KRT75: variants seen among roughly 807,000 people sequenced by gnomAD.
KRT75 encodes the protein keratin, type II cytoskeletal 75.
KRT75 carries 35 observed loss-of-function variants against 48.8 expected under a neutral mutation model. That is an observed-to-expected ratio of 0.72 (90% CI 0.55 to 0.95). The LOEUF is 0.95. Among genes scored for constraint, KRT75 ranks in the 40% least tolerant of loss-of-function variants. KRT75 has a pLI of 0.00. For synonymous variants in KRT75, 301 were observed against 282.3 expected (o/e 1.07, Z -0.66); for missense variants, 776 against 709.9 (o/e 1.09, Z -1.06).
intron 8 of KRT75, among the ~76,000 whole-genome samples, chr12:52,426,299 T>C (rs1940075462): frequency 2.0e-5 from 3 of 152,240 alleles, no homozygotes; most frequent in African/African-American, 7.2e-5. Context: ...TTGAAAACCC[T>C]TGGCATCCTT....
At position 52,424,507 on chromosome 12, in the gene KRT75, TG is replaced by T; in HGVS notation, c.*9del. ...CCTCAAGGCAGGGTAGAGGGAGCCA[TG>T]GGGCTCTCTTAGTGCGTGTAGCTCT... is the stretch of plus-strand genomic sequence containing the variant. On this transcript the variant is annotated 3_prime_UTR_variant, in exon 9 of 9. Coordinates refer to ENST00000252245, the MANE Select transcript of KRT75 (RefSeq NM_004693.3). 6.2e-7 allele frequency: 1 copy of T among 1,611,920 alleles called. No individual in the cohort carries two copies. The highest frequency in any genetic ancestry group is 1.1e-5 in the South Asian group (1 of 91,036).
At chr12:52,431,960 G>A in intron 3 of KRT75, 46 bp downstream of exon 3, 1 of 1,592,884 alleles carries the variant, frequency 6.3e-7, no homozygotes, top group Non-Finnish European at 8.6e-7. Context: ...CCACACTCCA[G>A]ATTCCATTTT....
At position 52,431,097 on chromosome 12, in the gene KRT75, C is replaced by T. The variant is rs562101848; in HGVS notation, c.871-392G>A. Among the ~76,000 whole-genome samples, 114 of 152,310 alleles carry T rather than the reference C, an allele frequency of 7.5e-4. 1 individual carries two copies. The highest frequency in any genetic ancestry group is 1.9e-3 in the South Asian group (9 of 4,824). The stretch of plus-strand genomic sequence containing the variant: ...CTTTCTACCTCTCTCTCCCTTTCCA[C>T]AGACCCAGGTCTCTGCCTTTGGAGG... On this transcript the variant is annotated intron_variant, in intron 4 of 8. Transcript: ENST00000252245.
chr12:52,424,396 ACTCCAGG>A lies in KRT75; in HGVS notation c.*114_*120del. The A allele has an allele frequency of 3.2e-6, 3 of 950,796 alleles. No homozygotes were observed. The Admixed American group carries it at 5.1e-5, about 16-fold the overall frequency. The allele number at this position is 950,796 out of a possible 1,614,324, so 58.9% of individuals were successfully genotyped here. A position where few individuals can be genotyped will look rare whatever the true frequency, so the allele number is the denominator to read the frequency against. The stretch of plus-strand genomic sequence containing the variant: ...AGGCCTGGGAATGGGTATAGCCAGT[ACTCCAGG>A]CTCCCAGCAGCACAGGTGCACCTTA... On this transcript the variant is annotated 3_prime_UTR_variant, in exon 9 of 9. Transcript: ENST00000252245.
rs373953042 is a variant in KRT75 at position 52,431,636 on chromosome 12, G to A, written c.777C>T (p.Asp259=). 105 of 1,610,376 alleles carry A rather than the reference G, an allele frequency of 6.5e-5. No individual in the cohort carries two copies. The highest frequency in any genetic ancestry group is 1.6e-4 in the South Asian group (15 of 91,020). ...CCTTGTTCATATAGGCAGCATCTAC[G>A]TCCTGGAATGACAGCGCAGGATGCT... The part of the protein sequence containing the change: ...AENEFVALKK[D]VDAAYMNKVE... Residue 259 remains aspartate (D), a splice_region_variant and synonymous_variant, in exon 4 of 9, where the codon GAC becomes GAT. Coordinates refer to ENST00000252245, the MANE Select transcript of KRT75 (RefSeq NM_004693.3).
Position 52,428,152 on chromosome 12 carries a change from T to C in KRT75, c.1382+104A>G. 2.1e-6 allele frequency: 3 copies of C among 1,425,826 alleles called. No individual in the cohort carries two copies. The Admixed American group carries it at 5.2e-5, about 25-fold the overall frequency. 88.3% of individuals were successfully genotyped at this position (1,425,826 alleles called of 1,614,324 possible). On this transcript the variant is annotated intron_variant, in intron 7 of 8. Coordinates refer to ENST00000252245, the MANE Select transcript of KRT75 (RefSeq NM_004693.3). The stretch of plus-strand genomic sequence containing the variant: ...AGCCCAATTCTGAACTGCATTTTCT[T>C]CCAGGAGAAGAAGGGGCTGCAACAG...
Position 52,424,624 on chromosome 12 carries a change from C to T in KRT75, c.1549G>A (p.Gly517Arg), listed in dbSNP as rs267603514. 6.2e-7 allele frequency: 1 copy of T among 1,614,166 alleles called. No individual in the cohort carries two copies. Among genetic ancestry groups the T allele is most frequent in the Non-Finnish European group, 8.5e-7 (1 of 1,180,012 alleles). ...SGGHSLGAGL[G>R]GSGFSATSNR... ...CTGGTGGCACTGAATCCAGAACCTC[C>T]CAGGCCTGCACCCAGGCTATGCCCA... Residue 517 changes from glycine (G) to arginine (R), a missense_variant, in exon 9 of 9, where the codon GGA becomes AGA. Gly to Arg is a moderately radical substitution (Grantham distance 125). Transcript: ENST00000252245.
chr12:52,430,424 C>T (rs1392202820), intron 5 of KRT75, 117 bp downstream of exon 5: 1 of 1,094,456 alleles, frequency 9.1e-7, no homozygotes, highest in African/African-American at 1.5e-5. Context: ...AAAGACATGC[C>T]TGCTAAGTTG....
chr12:52,426,853 T>C lies in KRT75; in HGVS notation c.1383-2A>G. On this transcript the variant is annotated splice_acceptor_variant, in intron 7 of 8. Transcript: ENST00000252245. LOFTEE classifies it high-confidence loss of function. ...GGAGAAACTCCCTCTCCACTCAACCTGATTGGGAAGAGCAGGGAGAAGGAA... is the reference window on the plus strand; with the variant it reads ...GGAGAAACTCCCTCTCCACTCAACCCGATTGGGAAGAGCAGGGAGAAGGAA... The C allele has an allele frequency of 6.2e-7, 1 of 1,614,100 alleles. No individual in the cohort carries two copies. Among genetic ancestry groups the C allele is most frequent in the East Asian group, 2.2e-5 (1 of 44,882 alleles).
rs769503312 is a variant in KRT75 at position 52,428,639 on chromosome 12, CT to C, written c.1139del (p.Glu380GlyfsTer58). ...TTACCTGCTTCTTGACGCTGTCAAT[CT>C]CAGCTCTCAGCCTCTGGATCATGCG... ...MNRMIQRLRAEIDSVKKQCSS... is the reference protein window; with the variant it reads ...MNRMIQRLRAXIDSVKKQCSS... On this transcript the variant is annotated frameshift_variant, in exon 6 of 9. Coordinates refer to ENST00000252245, the MANE Select transcript of KRT75 (RefSeq NM_004693.3). LOFTEE classifies it high-confidence loss of function. The C allele has an allele frequency of 6.2e-7, 1 of 1,614,242 alleles. No homozygotes were observed. The highest frequency in any genetic ancestry group is 1.1e-5 in the South Asian group (1 of 91,090).
At chr12:52,432,135 C>G in intron 2 of KRT75, 69 bp from the exon 3 acceptor site, 1 of 1,527,750 alleles carries the variant, frequency 6.5e-7, no homozygotes, top group Non-Finnish European at 9.1e-7. Flanking sequence ...GCTGGTGTAG[C>G]AAGAGTTAAG....
chr12:52,430,763 G>T, intron 4 of KRT75, 58 bp from the exon 5 acceptor site: 3 of 1,592,196 alleles, frequency 1.9e-6, no homozygotes, highest in South Asian at 1.1e-5. Context: ...TTAAATCTTC[G>T]TGGTTAACTA....
rs1478060958 is a variant in KRT75 at position 52,428,746 on chromosome 12, G to C, written c.1036-3C>G. 6.2e-7 allele frequency: 1 copy of C among 1,613,728 alleles called. No homozygotes were observed. Among genetic ancestry groups the C allele is most frequent in the East Asian group, 2.2e-5 (1 of 44,882 alleles). On this transcript the variant is annotated splice_region_variant and splice_polypyrimidine_tract_variant and intron_variant, in intron 5 of 8. Coordinates refer to ENST00000252245, the MANE Select transcript of KRT75 (RefSeq NM_004693.3). ...GCGGTGACCTGCAGCTCCTCGTACTGAGAGAACCAGAGCAAACCCAGTCAC... is the reference window on the plus strand; with the variant it reads ...GCGGTGACCTGCAGCTCCTCGTACTCAGAGAACCAGAGCAAACCCAGTCAC...
Position 52,424,227 on chromosome 12 carries a change from A to G in KRT75, c.*290T>C. ...CATCTGGAGGGAGGGAGGGAGGTGG[A>G]GCTGGAGGAGGACTTTCCAGCTGCC... On this transcript the variant is annotated 3_prime_UTR_variant, in exon 9 of 9. Transcript: ENST00000252245. 2 of 483,132 alleles carry G rather than the reference A, an allele frequency of 4.1e-6. No individual in the cohort carries two copies. The highest frequency in any genetic ancestry group is 7.6e-6 in the Non-Finnish European group (2 of 262,176). 29.9% of individuals were successfully genotyped at this position (483,132 alleles called of 1,614,324 possible).
chr12:52,428,240 G>T lies in KRT75; in HGVS notation c.1382+16C>A, dbSNP rs764645749. 9.9e-6 allele frequency: 16 copies of T among 1,613,132 alleles called. No homozygotes were observed. In the South Asian group the frequency reaches 1.2e-4, roughly 12 times the overall value. The stretch of plus-strand genomic sequence containing the variant: ...CTCAACTTGCTTTGAGGATGAAGTT[G>T]GTGCATCTGCCTCACCTGCACTCCT... On this transcript the variant is annotated intron_variant, in intron 7 of 8. Coordinates refer to ENST00000252245, the MANE Select transcript of KRT75 (RefSeq NM_004693.3).
chr12:52,425,231 T>G (rs1345535343), intron 8 of KRT75, among the ~76,000 whole-genome samples: 1 of 152,222 alleles, frequency 6.6e-6, no homozygotes, highest in Non-Finnish European at 1.5e-5. Context: ...TGTTGGCCAG[T>G]GAACTCTGCC....
chr12:52,429,006 G>T (rs1940110287), intron 5 of KRT75, among the ~76,000 whole-genome samples: 1 of 152,230 alleles, frequency 6.6e-6, no homozygotes, highest in Non-Finnish European at 1.5e-5. Flanking sequence ...ATCTGACCTA[G>T]ATTTGGAAGT....
At position 52,432,080 on chromosome 12, in the gene KRT75, GC is replaced by G; in HGVS notation, c.714-15del. ...TCATCTTCGTACCTATAAGGACAGAGCGGGGGGTGTGCTGTTGAGCAAGTCT... is the reference window on the plus strand; with the variant it reads ...TCATCTTCGTACCTATAAGGACAGAGGGGGGGTGTGCTGTTGAGCAAGTCT... On this transcript the variant is annotated splice_polypyrimidine_tract_variant and intron_variant, in intron 2 of 8. Coordinates refer to ENST00000252245, the MANE Select transcript of KRT75 (RefSeq NM_004693.3). 1 of 1,614,062 alleles carries G rather than the reference GC, an allele frequency of 6.2e-7. No homozygotes were observed. The highest frequency in any genetic ancestry group is 8.5e-7 in the Non-Finnish European group (1 of 1,179,940).
At chr12:52,433,663 G>A in intron 1 of KRT75, 144 bp downstream of exon 1, 4 of 1,296,652 alleles carry the variant, frequency 3.1e-6, no homozygotes, top group Admixed American at 4.1e-5. Context: ...TGACTTGGAA[G>A]GGTCTCAGCC....
Sources: gnomAD v4.1 joint callset for allele counts (sites outside exome capture counted in the v4.1 genomes callset) on GRCh38, gnomAD v4.1.1 for gene constraint, MANE v1.5 for transcripts, NCBI Gene and HGNC (gene_info 2026-07-23, HGNC 2026-07-21) for gene names.